The following PTPRN2 variants were observed in gnomAD, a reference collection of about 807,000 sequenced individuals.
PTPRN2 encodes receptor-type tyrosine-protein phosphatase N2.
PTPRN2 carries 74 observed loss-of-function variants against 118.8 expected under a neutral mutation model. The ratio of observed to expected loss-of-function variants is 0.62; its 90% CI spans 0.52 to 0.76. The LOEUF is 0.76. Among genes scored for constraint, PTPRN2 ranks in the 30% least tolerant of loss-of-function variants. PTPRN2 has a pLI of 0.00. For synonymous variants in PTPRN2, 641 were observed against 608.0 expected (o/e 1.05, Z -0.80); for missense variants, 1,481 against 1,394.4 (o/e 1.06, Z -0.99).
intron 14 of PTPRN2, 27 bp downstream of exon 14, chr7:157,656,330 G>T: frequency 6.5e-7 from 1 of 1,529,992 alleles, no homozygotes; most frequent in Non-Finnish European, 8.9e-7. Context: ...GTGTTTGTGT[G>T]GCAGGGAGTG....
At chr7:158,016,995 G>A (rs1037868024) in intron 11 of PTPRN2, among the ~76,000 whole-genome samples, 3 of 152,154 alleles carry the variant, frequency 2.0e-5, no homozygotes, top group African/African-American at 2.4e-5. Flanking sequence ...GGAAAACATT[G>A]CGTTTGGTAT....
Position 157,548,926 on chromosome 7 carries a change from G to A in PTPRN2, c.2976+20C>T, listed in dbSNP as rs750051358. ...GGCACCTTGAATGGGTCTGCGTCCC[G>A]GAGGAGAGACTGACAGTACCTTCGT... On this transcript the variant is annotated intron_variant, in intron 22 of 22. Transcript: ENST00000389418. 6.8e-6 allele frequency: 11 copies of A among 1,611,558 alleles called. No individual in the cohort carries two copies. Among genetic ancestry groups the A allele is most frequent in the South Asian group, 6.6e-5 (6 of 91,040 alleles).
At chr7:158,401,539 G>A (rs1232043941) in intron 2 of PTPRN2, among the ~76,000 whole-genome samples, 7 of 152,198 alleles carry the variant, frequency 4.6e-5, no homozygotes, top group African/African-American at 1.7e-4. Flanking sequence ...GCAGGAGTGG[G>A]GCTGCCATGG....
chr7:158,035,574 C>G (rs538960266), intron 11 of PTPRN2, among the ~76,000 whole-genome samples: 1 of 152,318 alleles, frequency 6.6e-6, no homozygotes, highest in East Asian at 1.9e-4. Context: ...ACTGTGCATA[C>G]CTGCCCTGCA....
intron 2 of PTPRN2, among the ~76,000 whole-genome samples, chr7:158,385,967 G>A: frequency 7.1e-6 from 1 of 139,910 alleles, no homozygotes; most frequent in Non-Finnish European, 1.6e-5. Flanking sequence ...CTATTTCTGT[G>A]CCCCTCCTCC....
chr7:158,337,435 G>T (rs1214389117), intron 2 of PTPRN2, among the ~76,000 whole-genome samples: 2 of 92,164 alleles, frequency 2.2e-5, no homozygotes, highest in Admixed American at 1.0e-4. Flanking sequence ...ACCATAAGAG[G>T]TGACACCCAC....
chr7:158,492,337 T>C (rs1459250804), intron 1 of PTPRN2, among the ~76,000 whole-genome samples: 1 of 152,232 alleles, frequency 6.6e-6, no homozygotes, highest in Non-Finnish European at 1.5e-5. Flanking sequence ...ACAGCTCACG[T>C]TCTAACTCCA....
chr7:157,792,296 G>A (rs1434616300), intron 12 of PTPRN2, among the ~76,000 whole-genome samples: 1 of 152,242 alleles, frequency 6.6e-6, no homozygotes. Flanking sequence ...TGCGCCTGGT[G>A]TGCAGCGTAC....
chr7:158,528,751 A>G (rs1025941984), intron 1 of PTPRN2, among the ~76,000 whole-genome samples: 61 of 150,700 alleles, frequency 4.0e-4, no homozygotes, highest in African/African-American at 1.5e-3. Context: ...CCGAGATCAC[A>G]CCACTGCACT....
chr7:158,492,062 G>C (rs1321600094), intron 1 of PTPRN2, among the ~76,000 whole-genome samples: 1 of 152,136 alleles, frequency 6.6e-6, no homozygotes, highest in African/African-American at 2.4e-5. Context: ...GACCTCCAAG[G>C]CTCCCCTCAC....
intron 3 of PTPRN2, among the ~76,000 whole-genome samples, chr7:158,252,642 A>T (rs947536755): frequency 6.6e-6 from 1 of 152,174 alleles, no homozygotes. Context: ...CTTTCAGGGA[A>T]GCCACCACGC....
At chr7:158,133,177 G>C (rs1818514582) in intron 9 of PTPRN2, among the ~76,000 whole-genome samples, 3 of 152,182 alleles carry the variant, frequency 2.0e-5, no homozygotes, top group Admixed American at 2.0e-4. Context: ...GGGCCACTTT[G>C]GTGCAAAACA....
intron 17 of PTPRN2, among the ~76,000 whole-genome samples, chr7:157,578,381 C>T (rs1295592534): frequency 6.6e-6 from 1 of 152,212 alleles, no homozygotes; most frequent in Non-Finnish European, 1.5e-5. Context: ...TTTAGAGCTT[C>T]CTCAGGTGTA....
chr7:158,232,710 C>T (rs1208648118), intron 3 of PTPRN2, among the ~76,000 whole-genome samples: 1 of 151,930 alleles, frequency 6.6e-6, no homozygotes, highest in Non-Finnish European at 1.5e-5. Context: ...TTCAAGAACA[C>T]ATTAAAAAGA....
intron 20 of PTPRN2, 42 bp downstream of exon 20, chr7:157,571,398 G>A (rs537031966): frequency 1.3e-6 from 2 of 1,484,468 alleles, no homozygotes; most frequent in Non-Finnish European, 9.3e-7. Flanking sequence ...ATTAGTTTTT[G>A]AGGTAGCCAA....
rs151144707 is a variant in PTPRN2 at position 157,845,448 on chromosome 7, G to C, written c.1788+53225C>G. ...TCACCATGTTCCCGGCCATACCCCAGTGAACCACACAGCCTAACTCACCAT... is the reference window on the plus strand; with the variant it reads ...TCACCATGTTCCCGGCCATACCCCACTGAACCACACAGCCTAACTCACCAT... On this transcript the variant is annotated intron_variant, in intron 12 of 22. Coordinates refer to ENST00000389418, the MANE Select transcript of PTPRN2 (RefSeq NM_002847.5). The surrounding 1 kb of genome is among the most constrained non-coding windows in gnomAD (Gnocchi z 4.5). Among the ~76,000 whole-genome samples the C allele has an allele frequency of 6.6e-5, 10 of 151,492 alleles. No individual in the cohort carries two copies. The South Asian group carries it at 2.1e-3, about 32-fold the overall frequency.
intron 17 of PTPRN2, 134 bp downstream of exon 17, chr7:157,595,104 A>G (rs1788195699): frequency 1.2e-6 from 1 of 813,584 alleles, no homozygotes; most frequent in Non-Finnish European, 2.0e-6. Context: ...ACAGACTGAA[A>G]TTCTGATATA....
rs117655807 is a variant in PTPRN2 at position 158,327,012 on chromosome 7, C to T, written c.164-10080G>A. Among the ~76,000 whole-genome samples, 202 of 151,926 alleles carry T rather than the reference C, an allele frequency of 1.3e-3. 5 individuals carry two copies. In the East Asian group the frequency reaches 0.035, roughly 26 times the overall value. ...ATTCTCAGATGCACACACATGCATT[C>T]TCACATATATACACATTCTCACACA... is the stretch of plus-strand genomic sequence containing the variant. On this transcript the variant is annotated intron_variant, in intron 2 of 22. Coordinates refer to ENST00000389418, the MANE Select transcript of PTPRN2 (RefSeq NM_002847.5).
At chr7:158,204,542 T>C (rs1006132273) in intron 4 of PTPRN2, among the ~76,000 whole-genome samples, 2 of 152,276 alleles carry the variant, frequency 1.3e-5, no homozygotes, top group African/African-American at 4.8e-5. Context: ...ATGTTTTTTT[T>C]TAAAAAACAT....
Sources: gnomAD v4.1 joint callset for allele counts (sites outside exome capture counted in the v4.1 genomes callset) on GRCh38, gnomAD v4.1.1 for gene constraint, Gnocchi (gnomAD v3.1) non-coding constraint, MANE v1.5 for transcripts, NCBI Gene and HGNC (gene_info 2026-07-23, HGNC 2026-07-21) for gene names.